Variants in ATP2B2 observed in about 807,000 individuals in gnomAD.
ATP2B2 encodes the protein ATPase plasma membrane Ca2+ transporting 2.
Under a neutral mutation model 120.0 loss-of-function variants are expected in ATP2B2, and 15 were observed. That is an observed-to-expected ratio of 0.12 (90% CI 0.08 to 0.19). The LOEUF (loss-of-function observed/expected upper bound fraction) is 0.19, where lower values mean the gene tolerates loss of function less well. ATP2B2 is among the 10% of genes least tolerant of loss of function. The probability of loss-of-function intolerance (pLI) is 1.00; values close to 1 mark genes in which losing one functional copy is unlikely to be tolerated. For missense variants in ATP2B2, 1,045 were observed against 1,719.8 expected, an observed-to-expected ratio of 0.61 and a Z score of 6.94; for synonymous variants, 694 against 700.3, an observed-to-expected ratio of 0.99 and a Z score of 0.14.
intron 2 of ATP2B2, among the ~76,000 whole-genome samples, chr3:10,559,892 G>A (rs991281331): frequency 6.6e-6 from 1 of 152,116 alleles, no homozygotes; most frequent in African/African-American, 2.4e-5. Flanking sequence ...CAGTTCAAAT[G>A]CTAGGGCTAG....
At chr3:10,396,383 G>A (rs1246128479) in intron 5 of ATP2B2, among the ~76,000 whole-genome samples, 1 of 152,248 alleles carries the variant, frequency 6.6e-6, no homozygotes, top group Non-Finnish European at 1.5e-5. Context: ...GGCCAAGCAT[G>A]GTTGGACCAA....
chr3:10,659,923 A>G (rs2070736285), intron 1 of ATP2B2, among the ~76,000 whole-genome samples: 2 of 152,232 alleles, frequency 1.3e-5, no homozygotes, highest in Admixed American at 6.5e-5. Context: ...CAATCAAACT[A>G]GAACTCAGAA....
Position 10,449,479 on chromosome 3 carries a change from C to T in ATP2B2, c.65G>A (p.Gly22Asp). The T allele has an allele frequency of 6.2e-7, 1 of 1,614,252 alleles. No homozygotes were observed. Among genetic ancestry groups the T allele is most frequent in the Non-Finnish European group, 8.5e-7 (1 of 1,180,038 alleles). The change falls in exon 2 of 23, where the codon GGC (glycine) becomes GAC (aspartate). Residue 22 changes from glycine to aspartate, a missense_variant. By Grantham distance (94) the Gly-to-Asp change is moderately conservative. Transcript: ENST00000360273. The stretch of plus-strand genomic sequence containing the variant: ...CTCCTCCATTGTGCACCCGAACTCG[C>T]CCCCATGGCTCGACTCATTTCTTTG... The part of the protein sequence containing the change: ...KNQRNESSHG[G>D]EFGCTMEELR...
intron 2 of ATP2B2, among the ~76,000 whole-genome samples, chr3:10,442,212 G>T (rs2063691736): frequency 6.6e-6 from 1 of 152,026 alleles, no homozygotes; most frequent in African/African-American, 2.4e-5. Flanking sequence ...CTAAAGTGAG[G>T]CCCCGTGGAA....
chr3:10,351,476 G>A (rs1244130472), intron 14 of ATP2B2, among the ~76,000 whole-genome samples: 1 of 152,240 alleles, frequency 6.6e-6, no homozygotes, highest in Non-Finnish European at 1.5e-5. Context: ...CAGCCTGTTA[G>A]AATCTCCAGC....
chr3:10,707,799 C>A (rs1243657515), intron 1 of ATP2B2: 2 of 152,186 alleles, frequency 1.3e-5, no homozygotes, highest in Admixed American at 1.3e-4. Flanking sequence ...CGCCCTGGCC[C>A]GGCGGGGGTC....
chr3:10,556,828 T>C (rs1366696374), intron 2 of ATP2B2, among the ~76,000 whole-genome samples: 2 of 152,238 alleles, frequency 1.3e-5, no homozygotes, highest in African/African-American at 4.8e-5. Context: ...ACATATCTTG[T>C]CACTGAATTC....
At chr3:10,568,330 A>G (rs1003945668) in intron 2 of ATP2B2, among the ~76,000 whole-genome samples, 2 of 152,342 alleles carry the variant, frequency 1.3e-5, no homozygotes, top group Admixed American at 1.3e-4. Flanking sequence ...ACCATACACC[A>G]AAGCCATGAG....
intron 3 of ATP2B2, among the ~76,000 whole-genome samples, chr3:10,530,338 A>G (rs2067184612): frequency 6.6e-6 from 1 of 152,216 alleles, no homozygotes; most frequent in African/African-American, 2.4e-5. Flanking sequence ...TAAAGAATAT[A>G]AAACTGAGGT....
At chr3:10,439,582 T>C (rs2063588717) in intron 2 of ATP2B2, among the ~76,000 whole-genome samples, 1 of 152,218 alleles carries the variant, frequency 6.6e-6, no homozygotes, top group Admixed American at 6.5e-5. Context: ...AATGATGCAT[T>C]AAGAACTTAT....
At chr3:10,447,327 C>T (rs991550748) in intron 2 of ATP2B2, among the ~76,000 whole-genome samples, 1 of 152,216 alleles carries the variant, frequency 6.6e-6, no homozygotes, top group African/African-American at 2.4e-5. Context: ...AGGAACCAGC[C>T]GGAAATGGCC....
chr3:10,338,436 C>A (rs1444133810), intron 21 of ATP2B2, 78 bp from the exon 22 acceptor site: 3 of 1,480,580 alleles, frequency 2.0e-6, no homozygotes, highest in Middle Eastern at 1.8e-4. Context: ...CGCTCCTCTA[C>A]CTCCCTCCTC....
At chr3:10,554,435 C>A (rs966649889) in intron 2 of ATP2B2, among the ~76,000 whole-genome samples, 2 of 152,134 alleles carry the variant, frequency 1.3e-5, no homozygotes, top group African/African-American at 2.4e-5. Context: ...GGGGAGATCA[C>A]CCTGGATGAT....
chr3:10,406,336 C>A (rs772768029), intron 3 of ATP2B2, among the ~76,000 whole-genome samples: 4 of 152,186 alleles, frequency 2.6e-5, no homozygotes, highest in African/African-American at 4.8e-5. Flanking sequence ...GTACAGATAG[C>A]AACAGTGTCA....
intron 2 of ATP2B2, among the ~76,000 whole-genome samples, chr3:10,416,956 G>A (rs2062805695): frequency 1.4e-5 from 2 of 145,684 alleles, no homozygotes; most frequent in Admixed American, 1.4e-4. Flanking sequence ...GGTGGGTGGC[G>A]GGGCAGAGCG....
intron 22 of ATP2B2, chr3:10,336,435 C>T (rs2060119847): frequency 2.2e-6 from 2 of 918,624 alleles, no homozygotes; most frequent in Non-Finnish European, 3.3e-6. Flanking sequence ...AACAAAAATA[C>T]CAGACACACT....
rs912438319 is a variant in ATP2B2, at chr3:10,593,902, C to T, written c.-415+26015G>A. 1.7e-4 allele frequency among the ~76,000 whole-genome samples: 26 copies of T among 152,204 alleles called. 1 individual carries two copies. The highest frequency in any genetic ancestry group is 1.4e-3 in the Admixed American group (21 of 15,300). On this transcript the variant is annotated intron_variant, in intron 2 of 21. Coordinates refer to the ATP2B2 transcript ENST00000646379. ...CCAAACAACTCCATCAACAAGTGGG[C>T]GGAGGATATGAACAGACACTTCTCA...
At position 10,395,942 on chromosome 3, in the gene ATP2B2, G is replaced by A. The variant is rs141199448; in HGVS notation, c.781+5011C>T. ...TTTCTGAATATTTTTACTCTGTCCC[G>A]TTTGAAGATACACCAGACATGGGCT... On this transcript the variant is annotated intron_variant, in intron 5 of 22. Coordinates refer to ENST00000360273, the MANE Select transcript of ATP2B2 (RefSeq NM_001001331.4). 9.7e-4 allele frequency among the ~76,000 whole-genome samples: 148 copies of A among 152,332 alleles called. 2 individuals carry two copies. The highest frequency in any genetic ancestry group is 3.3e-3 in the African/African-American group (138 of 41,574).
intron 1 of ATP2B2, among the ~76,000 whole-genome samples, chr3:10,653,788 T>C (rs1163533533): frequency 3.9e-5 from 6 of 152,168 alleles, no homozygotes; most frequent in Non-Finnish European, 7.4e-5. Flanking sequence ...CGTCTTACTA[T>C]AGCCTACGAT....
Sources: gnomAD v4.1 joint callset for allele counts (sites outside exome capture counted in the v4.1 genomes callset) on GRCh38, gnomAD v4.1.1 for gene constraint, MANE v1.5 for transcripts, NCBI Gene and HGNC (gene_info 2026-07-23, HGNC 2026-07-21) for gene names.